The following SLC30A8 variants were observed in gnomAD, a reference collection of about 807,000 sequenced individuals.
SLC30A8 encodes solute carrier family 30 member 8.
SLC30A8 carries 27 observed loss-of-function variants against 36.9 expected under a neutral mutation model. The observed-to-expected ratio is 0.73, with a 90% CI of 0.54 to 1.01. The LOEUF (loss-of-function observed/expected upper bound fraction) is 1.01, where lower values mean the gene tolerates loss of function less well. Ranked by LOEUF, SLC30A8 falls within the 50% of genes least tolerant of loss-of-function variation. The pLI is 0.00. For synonymous variants in SLC30A8, 164 were observed against 172.4 expected (o/e 0.95, Z 0.38); for missense variants, 439 against 452.0 (o/e 0.97, Z 0.26).
Position 117,035,224 on chromosome 8 carries a change from G to A in SLC30A8, c.-265-3995G>A, listed in dbSNP as rs11993504. 3.7e-3 allele frequency among the ~76,000 whole-genome samples: 564 copies of A among 152,244 alleles called. 4 individuals carry two copies. Among genetic ancestry groups the A allele is most frequent in the African/African-American group, 0.012 (518 of 41,522 alleles). Reference sequence around the variant, plus strand: ...AGTCCAAAGTCTCATCTGAAACAAGGCAAGTTTCTTCTACCTAGGAGCCTG... The same window carrying A: ...AGTCCAAAGTCTCATCTGAAACAAGACAAGTTTCTTCTACCTAGGAGCCTG... On this transcript the variant is annotated intron_variant, in intron 1 of 10. Transcript: ENST00000427715.
intron 1 of SLC30A8, among the ~76,000 whole-genome samples, chr8:116,982,556 G>T (rs1393298857): frequency 6.6e-6 from 1 of 152,118 alleles, no homozygotes; most frequent in Non-Finnish European, 1.5e-5. Flanking sequence ...AAGCAAATAA[G>T]ATAGTTATTT....
chr8:116,972,053 A>G (rs1241260932), intron 1 of SLC30A8, among the ~76,000 whole-genome samples: 2 of 152,220 alleles, frequency 1.3e-5, no homozygotes, highest in Non-Finnish European at 2.9e-5. Flanking sequence ...CAAGTCTTGT[A>G]ACTGCTTATT....
At chr8:117,036,651 A>G (rs1817223130) in intron 1 of SLC30A8, among the ~76,000 whole-genome samples, 1 of 152,140 alleles carries the variant, frequency 6.6e-6, no homozygotes, top group African/African-American at 2.4e-5. Flanking sequence ...TCAAACACTT[A>G]TAAAACCATC....
intron 2 of SLC30A8, among the ~76,000 whole-genome samples, chr8:117,103,599 C>A (rs1356991891): frequency 6.6e-6 from 1 of 152,190 alleles, no homozygotes; most frequent in Non-Finnish European, 1.5e-5. Context: ...CTCACCTTCC[C>A]AAGTAGCTGG....
chr8:117,159,262 TC>T (rs1344562331), intron 4 of SLC30A8, among the ~76,000 whole-genome samples: 3 of 152,376 alleles, frequency 2.0e-5, no homozygotes, highest in Non-Finnish European at 4.4e-5. Flanking sequence ...CTATTTATCA[TC>T]TGCCTATCTA....
intron 1 of SLC30A8, among the ~76,000 whole-genome samples, chr8:117,012,459 A>G (rs981274979): frequency 6.6e-6 from 1 of 152,028 alleles, no homozygotes; most frequent in Non-Finnish European, 1.5e-5. Context: ...GACTTTTGTC[A>G]TGTCATTATT....
chr8:117,008,104 A>G (rs1816238534), intron 1 of SLC30A8, among the ~76,000 whole-genome samples: 1 of 152,232 alleles, frequency 6.6e-6, no homozygotes, highest in Non-Finnish European at 1.5e-5. Flanking sequence ...TTCCCACTAC[A>G]TAGTAAACTA....
chr8:116,975,973 A>C (rs935614396), intron 1 of SLC30A8, among the ~76,000 whole-genome samples: 1 of 152,176 alleles, frequency 6.6e-6, no homozygotes, highest in African/African-American at 2.4e-5. Context: ...GCTCCTGTTC[A>C]AATATGGGAG....
chr8:117,124,790 A>G (rs1364701481), intron 2 of SLC30A8, among the ~76,000 whole-genome samples: 1 of 151,782 alleles, frequency 6.6e-6, no homozygotes, highest in Non-Finnish European at 1.5e-5. Flanking sequence ...GACACTGTGG[A>G]CTACTAGATG....
At chr8:117,157,942 G>T (rs1822585493) in intron 4 of SLC30A8, 98 bp downstream of exon 4, 5 of 1,325,782 alleles carry the variant, frequency 3.8e-6, no homozygotes, top group Non-Finnish European at 5.2e-6. Context: ...ATGTGAAGAT[G>T]GTAGAGACTG....
intron 1 of SLC30A8, among the ~76,000 whole-genome samples, chr8:116,994,025 C>A (rs1815733593): frequency 6.7e-6 from 1 of 149,978 alleles, no homozygotes; most frequent in African/African-American, 2.5e-5. Flanking sequence ...AAAAATCTTG[C>A]TACAAACAAA....
chr8:117,145,607 A>G (rs537672023), intron 1 of SLC30A8, among the ~76,000 whole-genome samples: 56 of 152,158 alleles, frequency 3.7e-4, no homozygotes, highest in Admixed American at 5.9e-4. Flanking sequence ...ACTCTTATTT[A>G]TTTCTGTACA....
chr8:117,008,589 TCCAGA>T (rs1392277519), intron 1 of SLC30A8, among the ~76,000 whole-genome samples: 1 of 152,232 alleles, frequency 6.6e-6, no homozygotes, highest in Non-Finnish European at 1.5e-5. Context: ...GTATCTGCAA[TCCAGA>T]GTGGACTATC....
chr8:116,960,338 A>G (rs1814375222), intron 1 of SLC30A8, among the ~76,000 whole-genome samples: 1 of 152,212 alleles, frequency 6.6e-6, no homozygotes, highest in African/African-American at 2.4e-5. Flanking sequence ...GATGCTCTTT[A>G]TTAATATTAA....
chr8:117,168,649 T>C (rs892799845), intron 6 of SLC30A8, among the ~76,000 whole-genome samples: 8 of 151,942 alleles, frequency 5.3e-5, no homozygotes, highest in Non-Finnish European at 1.0e-4. Flanking sequence ...AGGAGACAAG[T>C]GAAAAAAGGG....
intron 2 of SLC30A8, among the ~76,000 whole-genome samples, chr8:117,098,260 G>T (rs1428099593): frequency 1.2e-4 from 18 of 151,316 alleles, no homozygotes; most frequent in East Asian, 1.9e-4. Context: ...TAGGATGAGG[G>T]TTTCTCTGGT....
At chr8:117,019,414 C>T (rs932720930) in intron 1 of SLC30A8, among the ~76,000 whole-genome samples, 3 of 152,330 alleles carry the variant, frequency 2.0e-5, no homozygotes, top group Non-Finnish European at 2.9e-5. Context: ...TTTCCCCTGC[C>T]TCAAATTTCA....
At chr8:117,155,849 A>C (rs1248294417) in intron 3 of SLC30A8, among the ~76,000 whole-genome samples, 1 of 152,080 alleles carries the variant, frequency 6.6e-6, no homozygotes, top group Non-Finnish European at 1.5e-5. Context: ...GTCATTCCTT[A>C]GCTCATAGAG....
At chr8:117,137,548 T>G (rs1277364955) in intron 1 of SLC30A8, among the ~76,000 whole-genome samples, 1 of 152,022 alleles carries the variant, frequency 6.6e-6, no homozygotes, top group Non-Finnish European at 1.5e-5. Context: ...TTAGTTGGAA[T>G]AGAAGGCTGC....
Sources: allele counts gnomAD v4.1 joint callset (sites outside exome capture counted in the v4.1 genomes callset), GRCh38; gene constraint gnomAD v4.1.1; transcripts MANE v1.5; gene names NCBI Gene and HGNC (gene_info 2026-07-23, HGNC 2026-07-21).